Variants in DLG2 observed in about 807,000 individuals in gnomAD.
DLG2 encodes discs large MAGUK scaffold protein 2.
Under a neutral mutation model 132.5 loss-of-function variants are expected in DLG2, and 45 were observed. The ratio of observed to expected loss-of-function variants is 0.34; its 90% confidence interval spans 0.27 to 0.44. The LOEUF (loss-of-function observed/expected upper bound fraction) is 0.44. DLG2 is among the 20% of genes least tolerant of loss of function. The probability of loss-of-function intolerance (pLI) is 1.00; values close to 1 mark genes in which losing one functional copy is unlikely to be tolerated. For synonymous variants in DLG2, 424 were observed against 419.6 expected (o/e 1.01, Z -0.13); for missense variants, 1,045 against 1,196.9 (o/e 0.87, Z 1.87).
Position 84,529,113 on chromosome 11 carries a change from T to C in DLG2, c.519+5457A>G, listed in dbSNP as rs2099329261. 1.3e-5 allele frequency among the ~76,000 whole-genome samples: 2 copies of C among 152,162 alleles called. 1 individual carries two copies. The highest frequency in any genetic ancestry group is 4.8e-5 in the African/African-American group (2 of 41,424). On this transcript the variant is annotated intron_variant, in intron 7 of 27. Coordinates refer to ENST00000376104, the MANE Select transcript of DLG2 (RefSeq NM_001142699.3). Reference sequence around the variant, plus strand: ...ACATTTATTCCTATTACTATTGGTGTTGAAGGAGAGATACACAGAGTGTCT... The same window carrying C: ...ACATTTATTCCTATTACTATTGGTGCTGAAGGAGAGATACACAGAGTGTCT...
At chr11:84,072,793 T>C (rs992412780) in intron 10 of DLG2, among the ~76,000 whole-genome samples, 3 of 152,146 alleles carry the variant, frequency 2.0e-5, no homozygotes, top group African/African-American at 7.2e-5. Flanking sequence ...TTAGATTTGG[T>C]AGGTGGAGTT....
At chr11:85,481,189 C>T (rs183594920) in intron 3 of DLG2, among the ~76,000 whole-genome samples, 19 of 152,234 alleles carry the variant, frequency 1.2e-4, no homozygotes, top group Admixed American at 1.0e-3. Flanking sequence ...TGTTTATGTT[C>T]GGTATCTACA....
intron 6 of DLG2, among the ~76,000 whole-genome samples, chr11:84,610,752 C>A (rs2099593976): frequency 6.6e-6 from 1 of 152,086 alleles, no homozygotes; most frequent in African/African-American, 2.4e-5. Context: ...GGTGACCCAA[C>A]CCAAGGGTAA....
intron 4 of DLG2, among the ~76,000 whole-genome samples, chr11:85,255,373 C>T (rs1197658282): frequency 6.6e-6 from 1 of 152,138 alleles, no homozygotes; most frequent in African/African-American, 2.4e-5. Flanking sequence ...ATATTCATAT[C>T]CACACATTCA....
intron 19 of DLG2, among the ~76,000 whole-genome samples, chr11:83,619,765 T>C (rs537665649): frequency 6.6e-6 from 1 of 152,152 alleles, no homozygotes; most frequent in African/African-American, 2.4e-5. Flanking sequence ...AGCAATGGTG[T>C]TCATTCAGCA....
chr11:84,316,949 C>A lies in DLG2; in HGVS notation c.520-65658G>T, dbSNP rs776600489. 3 of 1,612,636 alleles carry A rather than the reference C, an allele frequency of 1.9e-6. No homozygotes were observed. The African/African-American group carries it at 4.0e-5, about 22-fold the overall frequency. ...CCACAAGGTCCTGTTGAAGCTGGAC[C>A]CCCCGGTCCTGTTTGAAGCTGGGCC... On this transcript the variant is annotated intron_variant, in intron 7 of 27. Transcript: ENST00000376104.
intron 6 of DLG2, among the ~76,000 whole-genome samples, chr11:84,959,409 T>G (rs1394881571): frequency 6.6e-6 from 1 of 152,176 alleles, no homozygotes; most frequent in Non-Finnish European, 1.5e-5. Flanking sequence ...AGCCCCTTCC[T>G]TGTTTTAATT....
At chr11:85,417,650 A>G (rs1222801064) in intron 3 of DLG2, among the ~76,000 whole-genome samples, 2 of 152,116 alleles carry the variant, frequency 1.3e-5, no homozygotes, top group Admixed American at 6.6e-5. Flanking sequence ...CAGGGATTCA[A>G]CTTCTTCTTG....
At chr11:84,762,475 A>C (rs2067769358) in intron 6 of DLG2, among the ~76,000 whole-genome samples, 1 of 152,158 alleles carries the variant, frequency 6.6e-6, no homozygotes, top group African/African-American at 2.4e-5. Flanking sequence ...GCAGCTCCCA[A>C]AGGATAGGAG....
intron 19 of DLG2, among the ~76,000 whole-genome samples, chr11:83,571,822 T>C (rs1463484710): frequency 6.6e-6 from 1 of 152,136 alleles, no homozygotes; most frequent in East Asian, 1.9e-4. Flanking sequence ...AATGTCAACA[T>C]CATTGTCTGA....
intron 4 of DLG2, among the ~76,000 whole-genome samples, chr11:85,216,762 T>C (rs2082631824): frequency 6.6e-6 from 1 of 151,962 alleles, no homozygotes; most frequent in Admixed American, 6.6e-5. Context: ...AGTGGCTGAA[T>C]CTTGGCTCAC....
Position 85,563,024 on chromosome 11 carries a change from T to C in DLG2, c.40+35633A>G, listed in dbSNP as rs1479409775. On this transcript the variant is annotated intron_variant, in intron 3 of 27. Transcript: ENST00000376104. ...CCTTTAATTCCTCTGGTCACATTTA[T>C]ACTCAATTCAATATTGACTGAGCAC... Among the ~76,000 whole-genome samples the C allele has an allele frequency of 2.0e-5, 3 of 151,712 alleles. No homozygotes were observed. In the East Asian group the frequency reaches 5.8e-4, roughly 29 times the overall value.
intron 3 of DLG2, among the ~76,000 whole-genome samples, chr11:85,463,811 T>C (rs2092692998): frequency 6.6e-6 from 1 of 151,994 alleles, no homozygotes; most frequent in Non-Finnish European, 1.5e-5. Flanking sequence ...GATATTGGTA[T>C]TGAGTACATG....
chr11:85,191,177 C>T (rs967616479), intron 4 of DLG2, among the ~76,000 whole-genome samples: 2 of 150,586 alleles, frequency 1.3e-5, no homozygotes, highest in African/African-American at 4.9e-5. Context: ...CACACACACA[C>T]ACACACACAC....
At chr11:84,447,385 AGTACATGCTC>A in intron 7 of DLG2, among the ~76,000 whole-genome samples, 1 of 152,300 alleles carries the variant, frequency 6.6e-6, no homozygotes, top group Admixed American at 6.5e-5. Flanking sequence ...CTAGACAGAC[AGTACATGCTC>A]AATATTATGA....
chr11:85,045,596 T>C (rs1437749004), intron 6 of DLG2, among the ~76,000 whole-genome samples: 2 of 152,080 alleles, frequency 1.3e-5, no homozygotes, highest in Non-Finnish European at 2.9e-5. Context: ...CTTACTAATA[T>C]TAGGTTAATC....
At chr11:85,489,153 C>G (rs1200033296) in intron 3 of DLG2, among the ~76,000 whole-genome samples, 2 of 151,904 alleles carry the variant, frequency 1.3e-5, no homozygotes, top group African/African-American at 4.8e-5. Context: ...AAAAATCATC[C>G]AACTATATAC....
chr11:85,177,993 A>C (rs559528987), intron 4 of DLG2, among the ~76,000 whole-genome samples: 2 of 152,250 alleles, frequency 1.3e-5, no homozygotes, highest in East Asian at 1.9e-4. Flanking sequence ...TTGAAAGACA[A>C]AGGTAGACTG....
At chr11:84,691,397 G>T (rs188086552) in intron 6 of DLG2, among the ~76,000 whole-genome samples, 1 of 151,456 alleles carries the variant, frequency 6.6e-6, no homozygotes, top group South Asian at 2.1e-4. Context: ...AAAATTCTAC[G>T]TTAAACTACC....
Sources: gnomAD v4.1 joint callset for allele counts (sites outside exome capture counted in the v4.1 genomes callset) on GRCh38, gnomAD v4.1.1 for gene constraint, MANE v1.5 for transcripts, NCBI Gene and HGNC (gene_info 2026-07-23, HGNC 2026-07-21) for gene names.